Variants in NAALADL2 observed in about 807,000 individuals in gnomAD.
NAALADL2 encodes inactive N-acetylated-alpha-linked acidic dipeptidase-like protein 2.
Under a neutral mutation model 87.2 loss-of-function variants are expected in NAALADL2, and 76 were observed. That is an observed-to-expected ratio of 0.87 (90% CI 0.72 to 1.05). The LOEUF is 1.05. Ranked by LOEUF, NAALADL2 falls within the 50% of genes least tolerant of loss-of-function variation. The pLI is 0.00. For missense variants in NAALADL2, 1,089 were observed against 945.8 expected (o/e 1.15, Z -1.99); for synonymous variants, 354 against 331.0 (o/e 1.07, Z -0.75).
At chr3:175,724,249 T>A (rs111294281) in intron 11 of NAALADL2, among the ~76,000 whole-genome samples, 1,609 of 152,260 alleles carry the variant, frequency 0.011, 11 homozygotes, top group Middle Eastern at 0.027. Context: ...ATATAGGACA[T>A]CCTGGGATAT....
At chr3:175,787,025 T>G (rs569198287) in intron 13 of NAALADL2, among the ~76,000 whole-genome samples, 37 of 150,794 alleles carry the variant, frequency 2.5e-4, no homozygotes, top group South Asian at 1.0e-3. Flanking sequence ...AGGCTGCTTG[T>G]TGGTCAGGGG....
chr3:175,472,335 A>G (rs1016478470), intron 9 of NAALADL2, among the ~76,000 whole-genome samples: 10 of 152,148 alleles, frequency 6.6e-5, no homozygotes, highest in African/African-American at 2.2e-4. Flanking sequence ...ATATTTTGTC[A>G]CTTCTCGCCT....
At chr3:175,526,531 A>G (rs960656570) in intron 9 of NAALADL2, among the ~76,000 whole-genome samples, 3 of 152,062 alleles carry the variant, frequency 2.0e-5, no homozygotes, top group African/African-American at 4.8e-5. Context: ...TTCTTTCTAT[A>G]GTATCTGTAG....
At chr3:174,556,540 AT>A (rs1342915959) in intron 2 of NAALADL2, among the ~76,000 whole-genome samples, 2 of 152,146 alleles carry the variant, frequency 1.3e-5, no homozygotes, top group African/African-American at 2.4e-5. Flanking sequence ...TTAAAAAAAA[AT>A]AAACAACGTT....
chr3:174,512,246 C>T (rs1719647738), intron 1 of NAALADL2, among the ~76,000 whole-genome samples: 1 of 152,138 alleles, frequency 6.6e-6, no homozygotes, highest in South Asian at 2.1e-4. Flanking sequence ...GATGATTTCA[C>T]TGTCTTCTTT....
intron 5 of NAALADL2, among the ~76,000 whole-genome samples, chr3:175,332,939 C>T (rs1378155819): frequency 6.6e-6 from 1 of 152,076 alleles, no homozygotes; most frequent in Non-Finnish European, 1.5e-5. Context: ...ACAATTGTTA[C>T]ATTTTCTTGG....
At chr3:174,895,153 T>C (rs187969798) in intron 1 of NAALADL2, among the ~76,000 whole-genome samples, 12 of 151,684 alleles carry the variant, frequency 7.9e-5, no homozygotes, top group Admixed American at 3.9e-4. Flanking sequence ...AACCCAAAAT[T>C]AGTATAAGAA....
intron 2 of NAALADL2, among the ~76,000 whole-genome samples, chr3:174,674,922 GTT>G (rs1487114208): frequency 6.6e-6 from 1 of 151,876 alleles, no homozygotes; most frequent in East Asian, 1.9e-4. Flanking sequence ...CTCAAATTCT[GTT>G]TTCTGTCAGT....
At chr3:175,009,512 ATTACCCATGTAAC>A (rs987092304) in intron 1 of NAALADL2, among the ~76,000 whole-genome samples, 10 of 152,194 alleles carry the variant, frequency 6.6e-5, no homozygotes, top group African/African-American at 2.4e-4. Flanking sequence ...ATTATGTATT[ATTACCCATGTAAC>A]TATTTTGATC....
chr3:175,458,402 T>C (rs1722634483), intron 6 of NAALADL2, among the ~76,000 whole-genome samples: 1 of 150,764 alleles, frequency 6.6e-6, no homozygotes, highest in Non-Finnish European at 1.5e-5. Flanking sequence ...TACACACGGT[T>C]TTGTATATAT....
intron 10 of NAALADL2, among the ~76,000 whole-genome samples, chr3:175,610,551 T>A (rs1454561462): frequency 2.0e-5 from 3 of 152,094 alleles, no homozygotes; most frequent in Non-Finnish European, 4.4e-5. Flanking sequence ...GAATTACCAT[T>A]ATTTACTATG....
chr3:175,272,251 A>G (rs1447811359), intron 4 of NAALADL2, among the ~76,000 whole-genome samples: 6 of 152,210 alleles, frequency 3.9e-5, no homozygotes, highest in Non-Finnish European at 8.8e-5. Flanking sequence ...TTTTTAAAAA[A>G]TCTGCTCCAG....
chr3:174,748,076 C>T (rs886727595), intron 3 of NAALADL2, among the ~76,000 whole-genome samples: 3 of 152,098 alleles, frequency 2.0e-5, no homozygotes, highest in Non-Finnish European at 2.9e-5. Flanking sequence ...AAACCAAACA[C>T]CACATGTTCT....
intron 1 of NAALADL2, among the ~76,000 whole-genome samples, chr3:174,521,281 A>G (rs1720266340): frequency 6.6e-6 from 1 of 152,172 alleles, no homozygotes; most frequent in Non-Finnish European, 1.5e-5. Flanking sequence ...TGCATGGATA[A>G]ATGAAACTGA....
chr3:175,808,444 T>C lies in NAALADL2; in HGVS notation c.*5241T>C, dbSNP rs997467325. On this transcript the variant is annotated 3_prime_UTR_variant, in exon 14 of 14. Transcript: ENST00000454872. ...CAATCATCAAGGCCAAAGAAATGCA[T>C]GATTACTCTGATTTCTTATGCACCA... is the stretch of plus-strand genomic sequence containing the variant. The C allele has an allele frequency of 3.9e-5, 6 of 151,946 alleles. No individual in the cohort carries two copies. The highest frequency in any genetic ancestry group is 7.4e-5 in the Non-Finnish European group (5 of 67,938). 9.4% of individuals were successfully genotyped at this position (151,946 alleles called of 1,614,324 possible).
intron 2 of NAALADL2, among the ~76,000 whole-genome samples, chr3:174,576,439 A>T (rs182999542): frequency 6.6e-6 from 1 of 152,266 alleles, no homozygotes; most frequent in East Asian, 1.9e-4. Context: ...AAATGATAGA[A>T]TTGTTTTGAG....
chr3:175,641,018 A>G (rs1729216004), intron 11 of NAALADL2, among the ~76,000 whole-genome samples: 1 of 152,180 alleles, frequency 6.6e-6, no homozygotes, highest in Non-Finnish European at 1.5e-5. Flanking sequence ...TCAGGGGTAA[A>G]AAAAAGGGAT....
At chr3:175,596,088 A>G (rs1722209732) in intron 10 of NAALADL2, among the ~76,000 whole-genome samples, 1 of 152,020 alleles carries the variant, frequency 6.6e-6, no homozygotes, top group Non-Finnish European at 1.5e-5. Context: ...TGTTTTTTAA[A>G]AAATAACTTC....
At chr3:175,302,603 G>T (rs1474054460) in intron 4 of NAALADL2, among the ~76,000 whole-genome samples, 1 of 152,018 alleles carries the variant, frequency 6.6e-6, no homozygotes, top group Non-Finnish European at 1.5e-5. Context: ...TATTAAATAT[G>T]CTGTATTACT....
Sources: allele counts gnomAD v4.1 joint callset (sites outside exome capture counted in the v4.1 genomes callset), GRCh38; gene constraint gnomAD v4.1.1; transcripts MANE v1.5; gene names NCBI Gene and HGNC (gene_info 2026-07-23, HGNC 2026-07-21).